Variants in NRXN3 observed in about 807,000 individuals in gnomAD.
NRXN3 encodes the protein neurexin III.
In NRXN3, 32 loss-of-function variants were observed where a neutral mutation model predicts 137.6. That is an observed-to-expected ratio of 0.23 (90% CI 0.18 to 0.31). NRXN3 has a LOEUF of 0.31. Ranked by LOEUF, NRXN3 falls within the 10% of genes least tolerant of loss-of-function variation. NRXN3 has a pLI of 1.00. For synonymous variants in NRXN3, 798 were observed against 784.5 expected (o/e 1.02, Z -0.29); for missense variants, 1,574 against 2,062.5 (o/e 0.76, Z 4.59).
intron 16 of NRXN3, among the ~76,000 whole-genome samples, chr14:79,508,551 G>A (rs192007268): frequency 2.0e-5 from 3 of 151,196 alleles, no homozygotes; most frequent in Non-Finnish European, 2.9e-5. Flanking sequence ...TACCACGCCC[G>A]GCTAGTTTTT....
intron 15 of NRXN3, among the ~76,000 whole-genome samples, chr14:79,211,058 T>A (rs1310332529): frequency 6.6e-6 from 1 of 152,154 alleles, no homozygotes; most frequent in African/African-American, 2.4e-5. Context: ...TATTTTCATT[T>A]CTTTGGACAA....
chr14:78,783,152 G>A lies in NRXN3; in HGVS notation c.2045-20468G>A, dbSNP rs527576655. 3.3e-5 allele frequency among the ~76,000 whole-genome samples: 5 copies of A among 152,138 alleles called. No homozygotes were observed. The South Asian group carries it at 8.3e-4, about 25-fold the overall frequency. ...TTAGAAGTAGAGAGACCTGGAACTTGGAAGATCCTGACTTTATCAAATAAG... is the reference window on the plus strand; with the variant it reads ...TTAGAAGTAGAGAGACCTGGAACTTAGAAGATCCTGACTTTATCAAATAAG... On this transcript the variant is annotated intron_variant, in intron 8 of 20. Coordinates refer to ENST00000335750, the MANE Select transcript of NRXN3 (RefSeq NM_001330195.2).
intron 16 of NRXN3, among the ~76,000 whole-genome samples, chr14:79,526,236 G>A (rs369630962): frequency 1.3e-5 from 2 of 152,170 alleles, no homozygotes; most frequent in East Asian, 3.9e-4. Context: ...TAGTAGAGAC[G>A]GGGTTTCTTC....
At chr14:79,677,564 T>C (rs1442681998) in intron 17 of NRXN3, among the ~76,000 whole-genome samples, 3 of 152,132 alleles carry the variant, frequency 2.0e-5, no homozygotes, top group Admixed American at 6.6e-5. Context: ...CAATATATTG[T>C]TCTCAGGGAG....
intron 4 of NRXN3, among the ~76,000 whole-genome samples, chr14:78,562,535 C>A (rs1322306265): frequency 6.6e-6 from 1 of 151,572 alleles, no homozygotes; most frequent in East Asian, 1.9e-4. Flanking sequence ...CAAAAAATGA[C>A]CACACTGTGA....
intron 10 of NRXN3, among the ~76,000 whole-genome samples, chr14:78,823,900 A>C (rs2153137485): frequency 6.6e-6 from 1 of 152,296 alleles, no homozygotes; most frequent in South Asian, 2.1e-4. Flanking sequence ...GACATCAAAA[A>C]GTAAACCAGA....
Position 78,243,819 on chromosome 14 carries a change from C to T in NRXN3, c.709+17C>T. 2.0e-6 allele frequency: 3 copies of T among 1,537,240 alleles called. No homozygotes were observed. Among genetic ancestry groups the T allele is most frequent in the Non-Finnish European group, 2.6e-6 (3 of 1,147,872 alleles). On this transcript the variant is annotated intron_variant, in intron 2 of 20. Coordinates refer to ENST00000335750, the MANE Select transcript of NRXN3 (RefSeq NM_001330195.2). The surrounding 1 kb of genome is among the most constrained non-coding windows in gnomAD (Gnocchi z 4.2). The stretch of plus-strand genomic sequence containing the variant: ...GCTCAGAAGGTAAGACCCTCTCCCT[C>T]TCTTGCTAGAGACCCACCCACGGGA...
At chr14:79,426,546 C>T (rs1303802820) in intron 15 of NRXN3, among the ~76,000 whole-genome samples, 2 of 152,196 alleles carry the variant, frequency 1.3e-5, no homozygotes, top group South Asian at 2.1e-4. Flanking sequence ...TTGATCTTGG[C>T]TTTGTGAAGC....
At position 79,771,578 on chromosome 14, in the gene NRXN3, C is replaced by A. The variant is rs554483526; in HGVS notation, c.4015-33534C>A. On this transcript the variant is annotated intron_variant, in intron 19 of 20. Coordinates refer to ENST00000335750, the MANE Select transcript of NRXN3 (RefSeq NM_001330195.2). ...AGGCCTTTGACAAAATTCAACAGCC[C>A]TTCATGCTAAAAACTCTCAATAAAT... Among the ~76,000 whole-genome samples, 41 of 149,764 alleles carry A rather than the reference C, an allele frequency of 2.7e-4. No homozygotes were observed. In the East Asian group the frequency reaches 6.3e-3, roughly 23 times the overall value.
intron 4 of NRXN3, among the ~76,000 whole-genome samples, chr14:78,315,107 G>A (rs1355802781): frequency 2.6e-5 from 4 of 151,476 alleles, no homozygotes; most frequent in African/African-American, 9.7e-5. Flanking sequence ...TGCCTCTTGG[G>A]TTCAAGCAAT....
intron 15 of NRXN3, among the ~76,000 whole-genome samples, chr14:79,301,726 G>A (rs1474483325): frequency 6.6e-6 from 1 of 151,538 alleles, no homozygotes; most frequent in East Asian, 1.9e-4. Flanking sequence ...GTATGTATTT[G>A]TGGGGTGTGT....
chr14:79,540,485 C>A (rs1029002398), intron 16 of NRXN3, among the ~76,000 whole-genome samples: 27 of 152,068 alleles, frequency 1.8e-4, no homozygotes, highest in Non-Finnish European at 1.5e-5. Flanking sequence ...ATATTTTTAT[C>A]CCTAGTCACC....
At chr14:79,015,247 T>C (rs1392602422) in intron 15 of NRXN3, among the ~76,000 whole-genome samples, 2 of 152,162 alleles carry the variant, frequency 1.3e-5, no homozygotes, top group Admixed American at 1.3e-4. Flanking sequence ...ACCTCTACAA[T>C]TGCGTAACTG....
chr14:78,246,903 C>T (rs1031406850), intron 2 of NRXN3, among the ~76,000 whole-genome samples: 2 of 152,192 alleles, frequency 1.3e-5, no homozygotes, highest in African/African-American at 4.8e-5. Flanking sequence ...GTACTGAGAC[C>T]AGGGGGCTTA....
chr14:78,817,847 C>CA (rs72050368), intron 10 of NRXN3, among the ~76,000 whole-genome samples: 14 of 149,948 alleles, frequency 9.3e-5, no homozygotes, highest in Admixed American at 3.3e-4. Context: ...ACTGCCACCA[C>CA]AAAAAAAAAG....
intron 15 of NRXN3, among the ~76,000 whole-genome samples, chr14:79,196,026 A>C (rs1243980458): frequency 1.3e-5 from 2 of 152,196 alleles, no homozygotes; most frequent in African/African-American, 4.8e-5. Flanking sequence ...CCCACTTAAG[A>C]AAAATACCAG....
chr14:78,386,444 A>G (rs1039223431), intron 4 of NRXN3, among the ~76,000 whole-genome samples: 1 of 152,166 alleles, frequency 6.6e-6, no homozygotes, highest in South Asian at 2.1e-4. Context: ...AAGAACAGGA[A>G]GGTGGAAGAG....
At chr14:79,052,828 G>A (rs1281273652) in intron 15 of NRXN3, among the ~76,000 whole-genome samples, 4 of 152,134 alleles carry the variant, frequency 2.6e-5, no homozygotes, top group African/African-American at 7.2e-5. Context: ...AGTGTTTTCT[G>A]GGTTTCCTTT....
At chr14:78,294,777 C>G (rs1435766540) in intron 3 of NRXN3, among the ~76,000 whole-genome samples, 1 of 152,078 alleles carries the variant, frequency 6.6e-6, no homozygotes, top group African/African-American at 2.4e-5. Context: ...GATCTTAACC[C>G]CCATGCATCA....
Sources: gnomAD v4.1 joint callset for allele counts (sites outside exome capture counted in the v4.1 genomes callset) on GRCh38, gnomAD v4.1.1 for gene constraint, Gnocchi (gnomAD v3.1) non-coding constraint, MANE v1.5 for transcripts, NCBI Gene and HGNC (gene_info 2026-07-23, HGNC 2026-07-21) for gene names.